KLHL29: variants seen among roughly 807,000 people sequenced by gnomAD.
KLHL29 encodes kelch like family member 29, also known as kelch-like protein 29.
Under a neutral mutation model 80.4 loss-of-function variants are expected in KLHL29, and 21 were observed. The observed-to-expected ratio is 0.26, with a 90% confidence interval of 0.19 to 0.38. The LOEUF (loss-of-function observed/expected upper bound fraction) is 0.38. Among genes scored for constraint, KLHL29 ranks in the 10% least tolerant of loss-of-function variants. The pLI, the probability that KLHL29 is intolerant of heterozygous loss-of-function variation, is 1.00. For synonymous variants in KLHL29, 511 were observed against 526.8 expected (o/e 0.97, Z 0.41); for missense variants, 867 against 1,223.9 (o/e 0.71, Z 4.35).
Position 23,699,493 on chromosome 2 carries a change from T to C in KLHL29, c.2105+2980T>C, listed in dbSNP as rs551235003. 7.2e-5 allele frequency among the ~76,000 whole-genome samples: 11 copies of C among 152,294 alleles called. No individual in the cohort carries two copies. The South Asian group carries it at 2.1e-3, about 29-fold the overall frequency. ...GAGGACCGATATTCCAGCTTCCCCA[T>C]GAAGCAAGACCTCAAACATCCCAGT... On this transcript the variant is annotated intron_variant, in intron 11 of 13. Transcript: ENST00000486442.
chr2:23,424,595 A>AT (rs1318218042), intron 1 of KLHL29, among the ~76,000 whole-genome samples: 4 of 152,232 alleles, frequency 2.6e-5, no homozygotes, highest in Admixed American at 2.6e-4. Flanking sequence ...TACCAGATCC[A>AT]TAAGTTGTGA....
intron 2 of KLHL29, chr2:23,532,700 G>A (rs1413251159): frequency 2.2e-6 from 1 of 455,658 alleles, no homozygotes; most frequent in Non-Finnish European, 4.4e-6. Flanking sequence ...TCAGCATGGG[G>A]GTGGGTGTCA....
intron 4 of KLHL29, among the ~76,000 whole-genome samples, 194 bp downstream of exon 4, chr2:23,639,474 G>A (rs1333747386): frequency 6.6e-6 from 1 of 152,160 alleles, no homozygotes; most frequent in Non-Finnish European, 1.5e-5. Context: ...GTCTTCCTCT[G>A]CTACTCAAGG....
At chr2:23,513,457 G>T (rs1436406678) in intron 2 of KLHL29, among the ~76,000 whole-genome samples, 1 of 152,302 alleles carries the variant, frequency 6.6e-6, no homozygotes, top group Admixed American at 6.5e-5. Context: ...GGTGGGCAGG[G>T]TCCAGGAGAG....
chr2:23,523,921 G>A (rs776544966), intron 2 of KLHL29: 1 of 460,676 alleles, frequency 2.2e-6, no homozygotes, highest in South Asian at 1.6e-5. Flanking sequence ...TTACCAAAGA[G>A]GAAAGAGGGA....
At chr2:23,499,766 G>A (rs994418022) in intron 2 of KLHL29, among the ~76,000 whole-genome samples, 3 of 152,236 alleles carry the variant, frequency 2.0e-5, no homozygotes, top group Non-Finnish European at 4.4e-5. Flanking sequence ...GATGAGGGAG[G>A]AGTGGGGCGG....
chr2:23,397,547 A>T (rs1434698736), intron 1 of KLHL29, among the ~76,000 whole-genome samples: 1 of 152,222 alleles, frequency 6.6e-6, no homozygotes, highest in African/African-American at 2.4e-5. Context: ...GATAGCTCAA[A>T]TAGACACCTG....
intron 4 of KLHL29, 110 bp from the exon 5 acceptor site, chr2:23,642,228 G>A: frequency 9.9e-7 from 1 of 1,014,742 alleles, no homozygotes; most frequent in South Asian, 3.7e-5. Flanking sequence ...CTGGACGCAG[G>A]TGTCTCGTTC....
chr2:23,627,857 T>A (rs902200614), intron 3 of KLHL29, among the ~76,000 whole-genome samples: 12 of 149,664 alleles, frequency 8.0e-5, no homozygotes, highest in Admixed American at 4.7e-4. Context: ...TTTGCAATTT[T>A]AAAAAAAACC....
chr2:23,423,945 C>T (rs1667982079), intron 1 of KLHL29, among the ~76,000 whole-genome samples: 1 of 152,222 alleles, frequency 6.6e-6, no homozygotes, highest in Non-Finnish European at 1.5e-5. Context: ...CATTCACCAT[C>T]CTTAGTGGCT....
At chr2:23,478,295 C>T (rs557627513) in intron 2 of KLHL29, among the ~76,000 whole-genome samples, 124 of 152,248 alleles carry the variant, frequency 8.1e-4, no homozygotes, top group African/African-American at 2.8e-3. Flanking sequence ...TGGCTGTGCC[C>T]TCCCCTCACA....
chr2:23,412,122 A>AGAG (rs1666876303), intron 1 of KLHL29, among the ~76,000 whole-genome samples: 1 of 118,626 alleles, frequency 8.4e-6, no homozygotes. Context: ...GTGTGCGTGA[A>AGAG]GGGGGGGGGG....
intron 1 of KLHL29, among the ~76,000 whole-genome samples, chr2:23,386,401 C>T (rs2103378517): frequency 6.6e-6 from 1 of 152,338 alleles, no homozygotes; most frequent in South Asian, 2.1e-4. Context: ...GGAACCCGCA[C>T]AGACCTTATT....
At chr2:23,653,974 C>T (rs1317189959) in intron 5 of KLHL29, among the ~76,000 whole-genome samples, 4 of 152,094 alleles carry the variant, frequency 2.6e-5, no homozygotes, top group South Asian at 2.1e-4. Context: ...CAAGACCAGC[C>T]TGGCCAACAT....
In KLHL29 at chr2:23,597,251, C is replaced by G. The variant is rs565037232; in HGVS notation, c.285+34770C>G. Reference sequence around the variant, plus strand: ...TCTGGGCCAGGTTGCAAACTTGCTACGTGTCTGTTCACCCATCTCGCTCTC... The same window carrying G: ...TCTGGGCCAGGTTGCAAACTTGCTAGGTGTCTGTTCACCCATCTCGCTCTC... On this transcript the variant is annotated intron_variant, in intron 3 of 13. Transcript: ENST00000486442. Among the ~76,000 whole-genome samples, 11 of 139,582 alleles carry G rather than the reference C, an allele frequency of 7.9e-5. No homozygotes were observed. In the South Asian group the frequency reaches 1.9e-3, roughly 24 times the overall value. 91.6% of individuals were successfully genotyped at this position (139,582 alleles called of 152,430 possible).
At chr2:23,439,620 C>T (rs1663452194) in intron 1 of KLHL29, among the ~76,000 whole-genome samples, 1 of 152,140 alleles carries the variant, frequency 6.6e-6, no homozygotes, top group Non-Finnish European at 1.5e-5. Flanking sequence ...GTTGAGCAGT[C>T]TCGAGTGAGT....
At position 23,706,961 on chromosome 2, in the gene KLHL29, T is replaced by C. The variant is rs1329670309; in HGVS notation, c.*297T>C. 7.3e-6 allele frequency: 2 copies of C among 273,534 alleles called. No individual in the cohort carries two copies. Among genetic ancestry groups the C allele is most frequent in the African/African-American group, 2.2e-5 (1 of 45,500 alleles). The allele number at this position is 273,534 out of a possible 1,614,324, so 16.9% of individuals were successfully genotyped here. ...AATAGAGTTTCACGTATTTTTCAACTGGGAGAGAGAAGCTGTTTTTTCCTT... is the reference window on the plus strand; with the variant it reads ...AATAGAGTTTCACGTATTTTTCAACCGGGAGAGAGAAGCTGTTTTTTCCTT... On this transcript the variant is annotated 3_prime_UTR_variant, in exon 14 of 14. Transcript: ENST00000486442.
intron 2 of KLHL29, among the ~76,000 whole-genome samples, chr2:23,514,980 C>G (rs1390716397): frequency 6.6e-6 from 1 of 152,160 alleles, no homozygotes; most frequent in African/African-American, 2.4e-5. Flanking sequence ...ACCATTCCCC[C>G]AGCCTCTCAA....
intron 2 of KLHL29, among the ~76,000 whole-genome samples, chr2:23,527,961 C>A (rs1284960648): frequency 6.6e-6 from 1 of 152,226 alleles, no homozygotes. Context: ...CCATCACCAC[C>A]ACCCCTCTGG....
Sources: allele counts gnomAD v4.1 joint callset (sites outside exome capture counted in the v4.1 genomes callset), GRCh38; gene constraint gnomAD v4.1.1; transcripts MANE v1.5; gene names NCBI Gene and HGNC (gene_info 2026-07-23, HGNC 2026-07-21).